GABRB2: variants seen among roughly 807,000 people sequenced by gnomAD.
GABRB2 encodes the protein gamma-aminobutyric acid type A receptor subunit beta2.
Under a neutral mutation model 54.7 loss-of-function variants are expected in GABRB2, and 16 were observed. The observed-to-expected ratio is 0.29, with a 90% CI of 0.20 to 0.44. The LOEUF is 0.44. Among genes scored for constraint, GABRB2 ranks in the 20% least tolerant of loss-of-function variants. GABRB2 has a pLI of 1.00. For synonymous variants in GABRB2, 244 were observed against 233.8 expected (o/e 1.04, Z -0.40); for missense variants, 355 against 644.0 (o/e 0.55, Z 4.86).
rs1757173620 is a variant in GABRB2, at chr5:161,289,324, G to A, written c.*4757C>T. The stretch of plus-strand genomic sequence containing the variant: ...TTCTGGTTTTTACAATGTTCCTAGT[G>A]CATTTGGAAAATATTTTTTTAAACC... On this transcript the variant is annotated 3_prime_UTR_variant, in exon 10 of 10. Transcript: ENST00000393959. The A allele has an allele frequency of 3.0e-5, 4 of 131,340 alleles. No homozygotes were observed. The South Asian group carries it at 9.7e-4, about 32-fold the overall frequency. 8.1% of individuals were successfully genotyped at this position (131,340 alleles called of 1,614,324 possible).
At chr5:161,404,571 A>C (rs1756291504) in intron 5 of GABRB2, among the ~76,000 whole-genome samples, 1 of 152,136 alleles carries the variant, frequency 6.6e-6, no homozygotes, top group African/African-American at 2.4e-5. Flanking sequence ...AAGAAGGTTT[A>C]GATTATTCAG....
At chr5:161,397,932 G>A (rs181712881) in intron 5 of GABRB2, among the ~76,000 whole-genome samples, 12 of 152,118 alleles carry the variant, frequency 7.9e-5, no homozygotes, top group Non-Finnish European at 1.5e-5. Flanking sequence ...TCATAGGGTA[G>A]ATACACCACA....
At chr5:161,428,958 A>T (rs141953292) in intron 4 of GABRB2, among the ~76,000 whole-genome samples, 1 of 152,016 alleles carries the variant, frequency 6.6e-6, no homozygotes, top group African/African-American at 2.4e-5. Flanking sequence ...CATTTCCACA[A>T]ATTTTATCTA....
intron 4 of GABRB2, among the ~76,000 whole-genome samples, chr5:161,446,088 A>G (rs1757606866): frequency 6.6e-6 from 1 of 152,176 alleles, no homozygotes; most frequent in Non-Finnish European, 1.5e-5. Flanking sequence ...AACTTCCACA[A>G]TTCAATTCAT....
chr5:161,532,050 C>T (rs548822925), intron 3 of GABRB2, among the ~76,000 whole-genome samples: 2 of 152,150 alleles, frequency 1.3e-5, no homozygotes, highest in African/African-American at 4.8e-5. Flanking sequence ...CATCTTCACG[C>T]AGGGTACTTA....
chr5:161,428,214 G>A (rs1474212572), intron 4 of GABRB2, among the ~76,000 whole-genome samples: 3 of 151,850 alleles, frequency 2.0e-5, no homozygotes, highest in African/African-American at 7.3e-5. Flanking sequence ...AACAGAATTA[G>A]ACAGGATACA....
intron 4 of GABRB2, among the ~76,000 whole-genome samples, chr5:161,447,955 T>C (rs1243154225): frequency 6.6e-6 from 1 of 152,164 alleles, no homozygotes; most frequent in Non-Finnish European, 1.5e-5. Context: ...TTCTAGTTGC[T>C]TGACAGTTAG....
chr5:161,318,124 C>T (rs1370018152), intron 9 of GABRB2, among the ~76,000 whole-genome samples: 2 of 151,104 alleles, frequency 1.3e-5, no homozygotes, highest in Non-Finnish European at 3.0e-5. Flanking sequence ...TAACCATGTG[C>T]TTTAAAAATG....
At chr5:161,351,378 G>A (rs952998719) in intron 5 of GABRB2, among the ~76,000 whole-genome samples, 4 of 151,992 alleles carry the variant, frequency 2.6e-5, no homozygotes, top group Non-Finnish European at 4.4e-5. Context: ...AGAATAAGGA[G>A]CCCAGAAATA....
chr5:161,400,648 A>G (rs984082400), intron 5 of GABRB2, among the ~76,000 whole-genome samples: 2 of 152,174 alleles, frequency 1.3e-5, no homozygotes, highest in Non-Finnish European at 2.9e-5. Flanking sequence ...CCTGAGAGAC[A>G]TAGGAAATCA....
chr5:161,464,377 A>T (rs2113279753), intron 3 of GABRB2, among the ~76,000 whole-genome samples: 1 of 152,254 alleles, frequency 6.6e-6, no homozygotes, highest in South Asian at 2.1e-4. Flanking sequence ...CAAATTAAAA[A>T]ACTCAATGAG....
At chr5:161,419,327 T>C (rs943984849) in intron 4 of GABRB2, among the ~76,000 whole-genome samples, 10 of 152,128 alleles carry the variant, frequency 6.6e-5, no homozygotes, top group Admixed American at 2.0e-4. Flanking sequence ...GGCAAGGACA[T>C]GGTGAAAAGG....
At chr5:161,316,294 T>A (rs1367798281) in intron 9 of GABRB2, among the ~76,000 whole-genome samples, 3 of 152,144 alleles carry the variant, frequency 2.0e-5, no homozygotes, top group African/African-American at 7.2e-5. Flanking sequence ...AATTAATTTG[T>A]CTTCGTGAAG....
At chr5:161,462,839 G>A (rs1019550408) in intron 3 of GABRB2, among the ~76,000 whole-genome samples, 32 of 152,060 alleles carry the variant, frequency 2.1e-4, no homozygotes, top group Admixed American at 1.4e-3. Flanking sequence ...CTCAATGTTA[G>A]TGCGCATAAA....
intron 3 of GABRB2, among the ~76,000 whole-genome samples, chr5:161,466,126 G>C (rs1186462157): frequency 6.6e-6 from 1 of 151,880 alleles, no homozygotes; most frequent in Non-Finnish European, 1.5e-5. Flanking sequence ...GATTTGCTTG[G>C]TGTGTGCTTA....
At chr5:161,505,096 CT>C (rs966926151) in intron 3 of GABRB2, among the ~76,000 whole-genome samples, 8 of 148,690 alleles carry the variant, frequency 5.4e-5, no homozygotes, top group African/African-American at 2.0e-4. Context: ...GAAGTCTTTT[CT>C]TTTTTCCTTT....
At chr5:161,520,479 T>C (rs2113428552) in intron 3 of GABRB2, among the ~76,000 whole-genome samples, 1 of 152,274 alleles carries the variant, frequency 6.6e-6, no homozygotes, top group Non-Finnish European at 1.5e-5. Flanking sequence ...CTGTTCAATT[T>C]CTTAATATTC....
intron 3 of GABRB2, among the ~76,000 whole-genome samples, chr5:161,534,518 A>G (rs1292166668): frequency 1.3e-5 from 2 of 152,212 alleles, no homozygotes; most frequent in Non-Finnish European, 2.9e-5. Flanking sequence ...CTTCTGAAAT[A>G]TGAAATTCAA....
chr5:161,522,492 G>T (rs1760145216), intron 3 of GABRB2, among the ~76,000 whole-genome samples: 1 of 151,652 alleles, frequency 6.6e-6, no homozygotes, highest in Non-Finnish European at 1.5e-5. Context: ...CACAACCACT[G>T]CTTGTCAGCT....
Sources: allele counts gnomAD v4.1 joint callset (sites outside exome capture counted in the v4.1 genomes callset), GRCh38; gene constraint gnomAD v4.1.1; transcripts MANE v1.5; gene names NCBI Gene and HGNC (gene_info 2026-07-23, HGNC 2026-07-21).